Variants in KIF7 observed in about 807,000 individuals in gnomAD.
The protein encoded by KIF7 is kinesin family member 7.
In KIF7, 104 loss-of-function variants were observed where a neutral mutation model predicts 135.7. The observed-to-expected ratio is 0.77, with a 90% CI of 0.65 to 0.90. The LOEUF (loss-of-function observed/expected upper bound fraction) is 0.90, where lower values mean the gene tolerates loss of function less well. KIF7 is among the 40% of genes least tolerant of loss of function. KIF7 has a pLI of 0.00. For synonymous variants in KIF7, 883 were observed against 809.4 expected (o/e 1.09, Z -1.54); for missense variants, 2,005 against 1,839.1 (o/e 1.09, Z -1.65).
downstream of KIF7, chr15:89,627,280 C>A: frequency 1.5e-6 from 1 of 663,314 alleles, no homozygotes; most frequent in East Asian, 2.8e-5. Flanking sequence ...GGGGAAGTTG[C>A]AGGAGGAGAG....
At chr15:89,648,836 C>T (rs1567067589) in intron 4 of KIF7, 62 bp from the exon 5 acceptor site, 1 of 1,485,982 alleles carries the variant, frequency 6.7e-7, no homozygotes, top group Non-Finnish European at 8.9e-7. Flanking sequence ...GCCAGCGGGC[C>T]AGACCTGGGA....
At chr15:89,625,041 G>A (rs567301819), downstream of KIF7, 5 of 1,614,026 alleles carry the variant, frequency 3.1e-6, no homozygotes, top group South Asian at 3.3e-5. Flanking sequence ...GAATTAAGAA[G>A]ATAGACCCCA....
intron 1 of KIF7, among the ~76,000 whole-genome samples, chr15:89,620,283 A>C (rs1241216049): frequency 6.6e-6 from 1 of 152,140 alleles, no homozygotes; most frequent in Non-Finnish European, 1.5e-5. Flanking sequence ...AACACAGCTC[A>C]CTGTAGCCTC....
intron 14 of KIF7, among the ~76,000 whole-genome samples, chr15:89,632,202 A>G (rs1963694609): frequency 6.6e-6 from 1 of 152,192 alleles, no homozygotes; most frequent in Non-Finnish European, 1.5e-5. Flanking sequence ...CTGCGGGCCT[A>G]GGACACTGGG....
intron 1 of KIF7, among the ~76,000 whole-genome samples, chr15:89,618,746 C>T (rs1963375817): frequency 1.3e-5 from 2 of 152,130 alleles, no homozygotes; most frequent in South Asian, 2.1e-4. Context: ...GGATCACTGG[C>T]CAGGAGTTTG....
Position 89,633,680 on chromosome 15 carries a change from C to A in KIF7, c.2592+6G>T. On this transcript the variant is annotated splice_donor_region_variant and intron_variant, in intron 12 of 18. Transcript: ENST00000394412. ...CAGAAGGTCCCCACCCTGCCGTGAG[C>A]CTGACCTTGACGCGGTGCTGCCGCT... The A allele has an allele frequency of 6.2e-7, 1 of 1,606,066 alleles. No homozygotes were observed. Among genetic ancestry groups the A allele is most frequent in the Non-Finnish European group, 8.5e-7 (1 of 1,179,668 alleles).
the KIF7 span, among the ~76,000 whole-genome samples, chr15:89,661,895 C>T: frequency 3.3e-5 from 5 of 151,898 alleles, no homozygotes; most frequent in Non-Finnish European, 7.4e-5. Flanking sequence ...CCACCACACC[C>T]GGCCAATTTT....
At chr15:89,640,787 A>G (rs1309321535) in intron 11 of KIF7, among the ~76,000 whole-genome samples, 2 of 151,380 alleles carry the variant, frequency 1.3e-5, no homozygotes, top group Non-Finnish European at 2.9e-5. Flanking sequence ...GGAGTTCAAG[A>G]GCAGCCTGGC....
rs749948143 is a variant in KIF7, at chr15:89,642,252, C to G, written c.2345G>C (p.Arg782Pro). 5.0e-6 allele frequency: 8 copies of G among 1,610,246 alleles called. No individual in the cohort carries two copies. The Admixed American group carries it at 5.0e-5, about 10-fold the overall frequency. Residue 782 changes from arginine to proline, a missense_variant, in exon 11 of 19, where the codon CGG becomes CCG. By Grantham distance (103) the Arg-to-Pro change is moderately radical. Coordinates refer to ENST00000394412, the MANE Select transcript of KIF7 (RefSeq NM_198525.3). ...GACCCTCCTGCGGAACTCCTGGAGC[C>G]GAGACCGCTCGCCAGCATCCTGGAG... ...KELQDAGERS[R>P]LQEFRRRVAA...
chr15:89,646,743 GA>G, intron 7 of KIF7, 86 bp downstream of exon 7: 1 of 1,182,114 alleles, frequency 8.5e-7, no homozygotes, highest in Non-Finnish European at 1.3e-6. Context: ...ATGAGTGGGG[GA>G]CACGTGCCCC....
At chr15:89,648,128 C>A (rs1964049119) in intron 5 of KIF7, 127 bp downstream of exon 5, 1 of 1,346,152 alleles carries the variant, frequency 7.4e-7, no homozygotes, top group Non-Finnish European at 9.5e-7. Flanking sequence ...CAGAAGTGAC[C>A]GAATCCCGAA....
chr15:89,657,528 T>C (rs1352016177), upstream of KIF7, among the ~76,000 whole-genome samples: 2 of 152,208 alleles, frequency 1.3e-5, no homozygotes, highest in Non-Finnish European at 2.9e-5. Context: ...TCAGTAGCAC[T>C]CATATGCAAC....
At chr15:89,635,907 A>T (rs1963796721) in intron 11 of KIF7, among the ~76,000 whole-genome samples, 1 of 152,000 alleles carries the variant, frequency 6.6e-6, no homozygotes, top group Admixed American at 6.6e-5. Flanking sequence ...TGAAGGAAAA[A>T]ATGTTAAGGG....
At position 89,631,223 on chromosome 15, in the gene KIF7, G is replaced by A. The variant is rs41363546; in HGVS notation, c.3111+272C>T. Among the ~76,000 whole-genome samples, 1,513 of 152,320 alleles carry A rather than the reference G, an allele frequency of 9.9e-3. 27 individuals are homozygous for A. Among genetic ancestry groups the A allele is most frequent in the African/African-American group, 0.034 (1,424 of 41,566 alleles). On this transcript the variant is annotated intron_variant, in intron 15 of 18. Transcript: ENST00000394412. ...AGCCGAGACGTGTGGGCAGGTACTC[G>A]AATGCAGCACAGAACAGGAGTCCAG...
intron 11 of KIF7, among the ~76,000 whole-genome samples, chr15:89,638,858 CA>C (rs1243391318): frequency 6.6e-6 from 1 of 152,138 alleles, no homozygotes; most frequent in Non-Finnish European, 1.5e-5. Flanking sequence ...GCCAAAAGAA[CA>C]AAGCTGGAAG....
chr15:89,661,680 T>C, the KIF7 span, among the ~76,000 whole-genome samples: 22 of 152,132 alleles, frequency 1.4e-4, no homozygotes, highest in Non-Finnish European at 7.4e-5. Context: ...TGACCCAGTT[T>C]ACAGAAAAGC....
upstream of KIF7, among the ~76,000 whole-genome samples, chr15:89,659,104 G>C (rs1195760379): frequency 6.6e-6 from 1 of 151,856 alleles, no homozygotes; most frequent in South Asian, 2.1e-4. Context: ...AAGAACTTTT[G>C]TTCATTGAAA....
intron 11 of KIF7, 69 bp from the exon 12 acceptor site, chr15:89,633,952 T>C (rs1963745074): frequency 1.3e-6 from 2 of 1,558,486 alleles, no homozygotes; most frequent in South Asian, 1.1e-5. Flanking sequence ...TGCTGGGCAC[T>C]CAACAAGGGC....
chr15:89,635,362 G>T (rs1016704147), intron 11 of KIF7, among the ~76,000 whole-genome samples: 4 of 152,238 alleles, frequency 2.6e-5, no homozygotes, highest in Non-Finnish European at 4.4e-5. Context: ...GAAGGCTTCA[G>T]ATGATCAAAT....
Sources: allele counts gnomAD v4.1 joint callset (sites outside exome capture counted in the v4.1 genomes callset), GRCh38; gene constraint gnomAD v4.1.1; transcripts MANE v1.5; gene names NCBI Gene and HGNC (gene_info 2026-07-23, HGNC 2026-07-21).